PAX8: variants seen among roughly 807,000 people sequenced by gnomAD.
PAX8 encodes the protein paired box protein Pax-8.
PAX8 carries 15 observed loss-of-function variants against 52.4 expected under a neutral mutation model. The ratio of observed to expected loss-of-function variants is 0.29; its 90% confidence interval spans 0.19 to 0.44. PAX8 has a LOEUF of 0.44. Among genes scored for constraint, PAX8 ranks in the 20% least tolerant of loss-of-function variants. The pLI is 1.00. For synonymous variants in PAX8, 284 were observed against 249.7 expected, an observed-to-expected ratio of 1.14 and a Z score of -1.29; for missense variants, 554 against 602.5, an observed-to-expected ratio of 0.92 and a Z score of 0.84.
intron 2 of PAX8, among the ~76,000 whole-genome samples, chr2:113,247,136 A>G (rs916179355): frequency 1.3e-5 from 2 of 152,336 alleles, no homozygotes; most frequent in South Asian, 4.1e-4. Context: ...CCACGATGGG[A>G]TGGTGTCACA....
intron 3 of PAX8, among the ~76,000 whole-genome samples, chr2:113,245,761 A>G (rs1470694631): frequency 6.6e-6 from 1 of 152,210 alleles, no homozygotes. Flanking sequence ...ACTTCCATCC[A>G]GGACTCATCT....
intron 2 of PAX8, among the ~76,000 whole-genome samples, chr2:113,259,797 A>C (rs576786569): frequency 6.6e-6 from 1 of 152,282 alleles, no homozygotes; most frequent in African/African-American, 2.4e-5. Context: ...TTCTTCCCAG[A>C]TCCTTCCCAC....
At chr2:113,262,453 C>T (rs192279002) in intron 2 of PAX8, among the ~76,000 whole-genome samples, 241 of 152,308 alleles carry the variant, frequency 1.6e-3, no homozygotes, top group Non-Finnish European at 2.9e-3. Context: ...TCTGTCAGCT[C>T]CAAATCAGAG....
chr2:113,276,629 C>G (rs1274225673), intron 2 of PAX8: 1 of 148,966 alleles, frequency 6.7e-6, no homozygotes, highest in Non-Finnish European at 1.5e-5. Flanking sequence ...TCTATTCTAA[C>G]GAGTACTTCT....
At chr2:113,255,725 TG>T (rs2104544164) in intron 2 of PAX8, among the ~76,000 whole-genome samples, 1 of 152,210 alleles carries the variant, frequency 6.6e-6, no homozygotes, top group East Asian at 1.9e-4. Context: ...TCTTCTAACC[TG>T]GGCCATAGAG....
chr2:113,253,452 T>C (rs1220717905), intron 2 of PAX8, among the ~76,000 whole-genome samples: 1 of 152,158 alleles, frequency 6.6e-6, no homozygotes, highest in Non-Finnish European at 1.5e-5. Flanking sequence ...ATACCAGCTG[T>C]CATGCAAGCT....
rs557650261 is a variant in PAX8 at position 113,248,099 on chromosome 2, C to T, written c.26-1180G>A. ...GCAAAGACTCAGAGGCAAGAGGATA[C>T]TTGTCTGTTAGATTTTCCAACATAT... is the stretch of plus-strand genomic sequence containing the variant. On this transcript the variant is annotated intron_variant, in intron 2 of 11. Transcript: ENST00000429538. Among the ~76,000 whole-genome samples the T allele has an allele frequency of 6.4e-4, 98 of 152,354 alleles. 1 individual carries two copies. The South Asian group carries it at 8.7e-3, about 14-fold the overall frequency.
intron 2 of PAX8, among the ~76,000 whole-genome samples, chr2:113,260,946 A>G (rs1358800888): frequency 1.3e-5 from 2 of 150,904 alleles, no homozygotes; most frequent in East Asian, 3.9e-4. Flanking sequence ...AGGGTGGGGG[A>G]CAGAAGGAGG....
At chr2:113,253,985 A>T (rs1020660695) in intron 2 of PAX8, among the ~76,000 whole-genome samples, 1 of 152,206 alleles carries the variant, frequency 6.6e-6, no homozygotes, top group East Asian at 1.9e-4. Flanking sequence ...AAGCTCCATG[A>T]GGGGAAGACT....
intron 9 of PAX8, among the ~76,000 whole-genome samples, chr2:113,233,732 G>GT (rs1690061496): frequency 6.6e-6 from 1 of 151,736 alleles, no homozygotes. Flanking sequence ...ACATGACCCT[G>GT]TGGTTACTCT....
At chr2:113,245,537 T>G (rs1454110319) in intron 3 of PAX8, among the ~76,000 whole-genome samples, 1 of 152,184 alleles carries the variant, frequency 6.6e-6, no homozygotes, top group African/African-American at 2.4e-5. Context: ...GACTCTGGAA[T>G]CCTGACCTTG....
chr2:113,241,509 C>T (rs1219151499), intron 7 of PAX8, 42 bp downstream of exon 7: 3 of 1,555,470 alleles, frequency 1.9e-6, no homozygotes, highest in African/African-American at 2.7e-5. Context: ...CCTTCTCTGG[C>T]CCTTGCCCAC....
At chr2:113,224,020 G>A (rs1169934763) in intron 10 of PAX8, among the ~76,000 whole-genome samples, 2 of 152,026 alleles carry the variant, frequency 1.3e-5, no homozygotes, top group Non-Finnish European at 2.9e-5. Context: ...ATAGAAAGAT[G>A]TATAGATTAA....
chr2:113,278,710 C>T, intron 1 of PAX8, 121 bp downstream of exon 1: 1 of 580,088 alleles, frequency 1.7e-6, no homozygotes, highest in Non-Finnish European at 2.7e-6. Context: ...CTCCGCTGTC[C>T]CAGTCTTATC....
intron 2 of PAX8, among the ~76,000 whole-genome samples, chr2:113,248,134 T>C (rs1263864361): frequency 1.3e-5 from 2 of 152,206 alleles, no homozygotes; most frequent in Admixed American, 6.5e-5. Flanking sequence ...TTCAACTCTA[T>C]AGTACCTAGA....
At chr2:113,244,263 G>T (rs1691124141) in intron 4 of PAX8, among the ~76,000 whole-genome samples, 164 bp downstream of exon 4, 1 of 152,140 alleles carries the variant, frequency 6.6e-6, no homozygotes, top group Non-Finnish European at 1.5e-5. Flanking sequence ...AGGCAGGGAG[G>T]TATGATATCT....
At position 113,242,011 on chromosome 2, in the gene PAX8, C is replaced by T; in HGVS notation, c.598G>A (p.Asp200Asn). 1 of 1,613,668 alleles carries T rather than the reference C, an allele frequency of 6.2e-7. No homozygotes were observed. Among genetic ancestry groups the T allele is most frequent in the Non-Finnish European group, 8.5e-7 (1 of 1,179,796 alleles). The change falls in exon 6 of 12, where the codon GAC becomes AAC. Residue 200 changes from aspartate (D) to asparagine (N), a missense_variant. Asp to Asn is a conservative substitution (Grantham distance 23). Coordinates refer to ENST00000429538, the MANE Select transcript of PAX8 (RefSeq NM_003466.4). ...QPGSDKRKMD[D>N]SDQDSCRLSI... Reference sequence around the variant, plus strand: ...GCCCTCCTGTCCCAGCACTCACTGTCATCCATTTTCCTCTTGTCGCTGCCA... The same window carrying T: ...GCCCTCCTGTCCCAGCACTCACTGTTATCCATTTTCCTCTTGTCGCTGCCA...
chr2:113,249,507 T>G (rs1445430383), intron 2 of PAX8, among the ~76,000 whole-genome samples: 1 of 152,072 alleles, frequency 6.6e-6, no homozygotes, highest in Non-Finnish European at 1.5e-5. Context: ...GAGGTGGAGG[T>G]TCTTCACCTC....
At chr2:113,271,251 G>T in intron 2 of PAX8, 1 of 152,350 alleles carries the variant, frequency 6.6e-6, no homozygotes, top group Non-Finnish European at 1.5e-5. Flanking sequence ...GAAGCTGTTC[G>T]CATCACATCC....
Sources: allele counts gnomAD v4.1 joint callset (sites outside exome capture counted in the v4.1 genomes callset), GRCh38; gene constraint gnomAD v4.1.1; transcripts MANE v1.5; gene names NCBI Gene and HGNC (gene_info 2026-07-23, HGNC 2026-07-21).